The following GALNT18 variants were observed in gnomAD, a reference collection of about 807,000 sequenced individuals.
GALNT18 encodes the protein polypeptide N-acetylgalactosaminyltransferase 18, also known as GalNAc-transferase 18.
A neutral mutation model predicts 69.5 loss-of-function variants in GALNT18; 44 were observed. The ratio of observed to expected loss-of-function variants is 0.63; its 90% CI spans 0.50 to 0.81. The LOEUF (loss-of-function observed/expected upper bound fraction) is 0.81. GALNT18 is among the 40% of genes least tolerant of loss of function. The pLI is 0.00. For synonymous variants in GALNT18, 364 were observed against 318.2 expected (o/e 1.14, Z -1.53); for missense variants, 715 against 810.0 (o/e 0.88, Z 1.42).
intron 5 of GALNT18, among the ~76,000 whole-genome samples, chr11:11,375,176 G>C (rs1043780602): frequency 1.2e-4 from 19 of 152,334 alleles, no homozygotes; most frequent in African/African-American, 4.1e-4. Context: ...TAGCTTGAAA[G>C]AAAAGGGAGC....
In GALNT18 at chr11:11,332,296, G is replaced by A. The variant is rs1193176783; in HGVS notation, c.1416+398C>T. 1.3e-5 allele frequency among the ~76,000 whole-genome samples: 2 copies of A among 152,232 alleles called. No homozygotes were observed. The highest frequency in any genetic ancestry group is 2.9e-5 in the Non-Finnish European group (2 of 68,040). On this transcript the variant is annotated intron_variant, in intron 8 of 10. Transcript: ENST00000227756. This position sits in a 1 kb window ranked among gnomAD's most constrained non-coding sequence, Gnocchi z 4.3. The stretch of plus-strand genomic sequence containing the variant: ...TCTCAGGGAGGCTCTGCATGCGAGT[G>A]GGAGGCATTAGCTCCTTGGTCAGGG...
chr11:11,340,766 T>C lies in GALNT18; in HGVS notation c.1278+53A>G. 4.6e-6 allele frequency: 7 copies of C among 1,521,602 alleles called. No homozygotes were observed. The highest frequency in any genetic ancestry group is 1.8e-4 in the Middle Eastern group (1 of 5,660). 94.3% of individuals were successfully genotyped at this position (1,521,602 alleles called of 1,614,324 possible). A position where few individuals can be genotyped will look rare whatever the true frequency, so the allele number is the denominator to read the frequency against. On this transcript the variant is annotated intron_variant, in intron 7 of 10. Coordinates refer to ENST00000227756, the MANE Select transcript of GALNT18 (RefSeq NM_198516.3). This position sits in a 1 kb window ranked among gnomAD's most constrained non-coding sequence, Gnocchi z 4.2. ...GAAGGGTTCGGTCCCATATCTTGTT[T>C]TGTTTGTTTTCCACCAATCCCCGAG...
Position 11,620,317 on chromosome 11 carries a change from GC to G in GALNT18, c.235+1041del, listed in dbSNP as rs1234499103. On this transcript the variant is annotated intron_variant, in intron 1 of 10. Transcript: ENST00000227756. This position sits in a 1 kb window ranked among gnomAD's most constrained non-coding sequence, Gnocchi z 6.9. ...GGGAGGGGAGGAAGTGTGGACGTGA[GC>G]GCGCGCGCGCGCGCGTGTGTGTGTG... is the stretch of plus-strand genomic sequence containing the variant. 6.8e-4 allele frequency among the ~76,000 whole-genome samples: 36 copies of G among 52,758 alleles called. No individual in the cohort carries two copies. The highest frequency in any genetic ancestry group is 1.4e-3 in the African/African-American group (35 of 25,820). The allele number at this position is 52,758 out of a possible 152,430, so 34.6% of individuals were successfully genotyped here.
At chr11:11,331,787 G>A (rs538210581) in intron 8 of GALNT18, among the ~76,000 whole-genome samples, 156 of 152,164 alleles carry the variant, frequency 1.0e-3, no homozygotes, top group African/African-American at 3.5e-3. Flanking sequence ...GTAGTCTTGG[G>A]GGTTTGTCAT....
At chr11:11,276,357 G>A (rs1564874746) in intron 10 of GALNT18, among the ~76,000 whole-genome samples, 3 of 152,112 alleles carry the variant, frequency 2.0e-5, no homozygotes, top group Admixed American at 2.0e-4. Flanking sequence ...AGGAATGCTT[G>A]TGATTTTTGC....
At chr11:11,578,721 T>TG (rs1175793641) in intron 1 of GALNT18, among the ~76,000 whole-genome samples, 2 of 152,206 alleles carry the variant, frequency 1.3e-5, no homozygotes, top group African/African-American at 2.4e-5. Flanking sequence ...GCAGGACAAA[T>TG]GGGCAACGTG....
rs998141785 is a variant in GALNT18, at chr11:11,540,925, C to T, written c.235+80434G>A. Reference sequence around the variant, plus strand: ...GAAAATCCTCCCAGCCTATATTAACCCTGTAAACTGCATCCAAATTGCTAA... The same window carrying T: ...GAAAATCCTCCCAGCCTATATTAACTCTGTAAACTGCATCCAAATTGCTAA... On this transcript the variant is annotated intron_variant, in intron 1 of 10. Transcript: ENST00000227756. This position sits in a 1 kb window ranked among gnomAD's most constrained non-coding sequence, Gnocchi z 4.6. 6.6e-6 allele frequency among the ~76,000 whole-genome samples: 1 copy of T among 152,134 alleles called. No individual in the cohort carries two copies. The highest frequency in any genetic ancestry group is 1.5e-5 in the Non-Finnish European group (1 of 68,028).
At chr11:11,549,228 TA>T (rs1858133964) in intron 1 of GALNT18, among the ~76,000 whole-genome samples, 2 of 152,208 alleles carry the variant, frequency 1.3e-5, no homozygotes, top group Admixed American at 1.3e-4. Context: ...AGCAACAAGC[TA>T]AAAAGGGCCC....
intron 9 of GALNT18, among the ~76,000 whole-genome samples, chr11:11,293,703 G>A (rs1226260353): frequency 1.3e-5 from 2 of 151,696 alleles, no homozygotes; most frequent in African/African-American, 2.4e-5. Flanking sequence ...CACCATGCCC[G>A]GCTAATTTTT....
At chr11:11,599,842 T>C (rs1859593152) in intron 1 of GALNT18, among the ~76,000 whole-genome samples, 1 of 152,008 alleles carries the variant, frequency 6.6e-6, no homozygotes, top group Non-Finnish European at 1.5e-5. Context: ...ATGAATACAT[T>C]GTAAAGTGAT....
rs1483852101 is a variant in GALNT18, at chr11:11,396,543, G to A, written c.596-17279C>T. Among the ~76,000 whole-genome samples, 2 of 152,176 alleles carry A rather than the reference G, an allele frequency of 1.3e-5. No individual in the cohort carries two copies. The highest frequency in any genetic ancestry group is 2.9e-5 in the Non-Finnish European group (2 of 68,030). Reference sequence around the variant, plus strand: ...AGAAGTCTACATAGCAACACGGACAGCTTGGTAACAAACAAAGAAAATGGA... The same window carrying A: ...AGAAGTCTACATAGCAACACGGACAACTTGGTAACAAACAAAGAAAATGGA... On this transcript the variant is annotated intron_variant, in intron 3 of 10. Coordinates refer to ENST00000227756, the MANE Select transcript of GALNT18 (RefSeq NM_198516.3). This position sits in a 1 kb window ranked among gnomAD's most constrained non-coding sequence, Gnocchi z 5.2.
In GALNT18 at chr11:11,436,145, T is replaced by G. The variant is rs1855397738; in HGVS notation, c.429-3358A>C. Among the ~76,000 whole-genome samples the G allele has an allele frequency of 6.6e-6, 1 of 152,180 alleles. No individual in the cohort carries two copies. The highest frequency in any genetic ancestry group is 1.5e-5 in the Non-Finnish European group (1 of 68,028). On this transcript the variant is annotated intron_variant, in intron 2 of 10. Transcript: ENST00000227756. This position sits in a 1 kb window ranked among gnomAD's most constrained non-coding sequence, Gnocchi z 4.5. The stretch of plus-strand genomic sequence containing the variant: ...GGGGGATCGTTTTTGGGAAAGCGTT[T>G]GAAGGGGATGAAGTCACCCAGGTGC...
Position 11,606,845 on chromosome 11 carries a change from G to A in GALNT18, c.235+14514C>T, listed in dbSNP as rs1219733525. Among the ~76,000 whole-genome samples, 1 of 152,186 alleles carries A rather than the reference G, an allele frequency of 6.6e-6. No individual in the cohort carries two copies. The highest frequency in any genetic ancestry group is 1.5e-5 in the Non-Finnish European group (1 of 68,022). On this transcript the variant is annotated intron_variant, in intron 1 of 10. Transcript: ENST00000227756. This position sits in a 1 kb window ranked among gnomAD's most constrained non-coding sequence, Gnocchi z 5.4. Reference sequence around the variant, plus strand: ...CCAGGGCCTCCAGGACCCAGTAGAGGCTCCTCAGGGTAGTCCTCAAGTTGC... The same window carrying A: ...CCAGGGCCTCCAGGACCCAGTAGAGACTCCTCAGGGTAGTCCTCAAGTTGC...
intron 1 of GALNT18, among the ~76,000 whole-genome samples, chr11:11,593,863 T>C (rs988562513): frequency 6.6e-6 from 1 of 152,238 alleles, no homozygotes; most frequent in African/African-American, 2.4e-5. Flanking sequence ...AAAATTTTCA[T>C]ATGAGCCTCA....
chr11:11,496,552 A>T lies in GALNT18; in HGVS notation c.236-47616T>A. ...CATCAATTCTACTTTTCTAAAGAAC[A>T]AGCAGCTTGCTATCTCTCAGTAGGT... On this transcript the variant is annotated intron_variant, in intron 1 of 10. Coordinates refer to ENST00000227756, the MANE Select transcript of GALNT18 (RefSeq NM_198516.3). This position sits in a 1 kb window ranked among gnomAD's most constrained non-coding sequence, Gnocchi z 4.0. 6.6e-6 allele frequency among the ~76,000 whole-genome samples: 1 copy of T among 152,236 alleles called. No individual in the cohort carries two copies. The highest frequency in any genetic ancestry group is 1.5e-5 in the Non-Finnish European group (1 of 68,036).
intron 1 of GALNT18, among the ~76,000 whole-genome samples, chr11:11,611,281 A>G (rs961330069): frequency 6.2e-4 from 95 of 152,162 alleles, no homozygotes; most frequent in African/African-American, 2.2e-3. Flanking sequence ...CTTTACAGCA[A>G]TTGTTTCTTC....
At chr11:11,610,691 T>A (rs1859876519) in intron 1 of GALNT18, among the ~76,000 whole-genome samples, 1 of 152,204 alleles carries the variant, frequency 6.6e-6, no homozygotes, top group Non-Finnish European at 1.5e-5. Context: ...AATTCCCACG[T>A]TATACCTTCC....
intron 9 of GALNT18, among the ~76,000 whole-genome samples, chr11:11,297,604 C>T (rs1849424875): frequency 1.3e-5 from 2 of 152,096 alleles, no homozygotes; most frequent in African/African-American, 2.4e-5. Flanking sequence ...ATGATGGGGG[C>T]CTGGACTAAG....
chr11:11,275,654 T>C lies in GALNT18; in HGVS notation c.1678-4364A>G, dbSNP rs182791948. On this transcript the variant is annotated intron_variant, in intron 10 of 10. Transcript: ENST00000227756. ...CTGCCCAGGTTTTCTTCTAGGATTTTTATGGTCCTAGGTCTTACATTTAAG... is the reference window on the plus strand; with the variant it reads ...CTGCCCAGGTTTTCTTCTAGGATTTCTATGGTCCTAGGTCTTACATTTAAG... 4.3e-3 allele frequency among the ~76,000 whole-genome samples: 654 copies of C among 152,348 alleles called. 2 individuals carry two copies. The highest frequency in any genetic ancestry group is 0.014 in the African/African-American group (595 of 41,588).
Sources: gnomAD v4.1 joint callset for allele counts (sites outside exome capture counted in the v4.1 genomes callset) on GRCh38, gnomAD v4.1.1 for gene constraint, Gnocchi (gnomAD v3.1) non-coding constraint, MANE v1.5 for transcripts, NCBI Gene and HGNC (gene_info 2026-07-23, HGNC 2026-07-21) for gene names.